The following CSGALNACT1 variants were observed in gnomAD, a reference collection of about 807,000 sequenced individuals.
The protein encoded by CSGALNACT1 is chondroitin sulfate N-acetylgalactosaminyltransferase 1.
A neutral mutation model predicts 51.0 loss-of-function variants in CSGALNACT1; 52 were observed. The observed-to-expected ratio is 1.02, with a 90% CI of 0.82 to 1.29. The LOEUF (loss-of-function observed/expected upper bound fraction) is 1.29, where lower values mean the gene tolerates loss of function less well. Ranked by LOEUF, CSGALNACT1 falls within the 50% of genes most tolerant of loss-of-function variation. The pLI, the probability that CSGALNACT1 is intolerant of heterozygous loss-of-function variation, is 0.00. For missense variants in CSGALNACT1, 935 were observed against 679.2 expected, an observed-to-expected ratio of 1.38 and a Z score of -4.19; for synonymous variants, 341 against 254.4, an observed-to-expected ratio of 1.34 and a Z score of -3.24.
At chr8:19,498,743 TAAC>T in intron 4 of CSGALNACT1, among the ~76,000 whole-genome samples, 1 of 152,184 alleles carries the variant, frequency 6.6e-6, no homozygotes, top group Admixed American at 6.5e-5. Context: ...TGACCTCCCA[TAAC>T]ATCACAAATT....
intron 5 of CSGALNACT1, among the ~76,000 whole-genome samples, chr8:19,456,099 GT>G (rs1563491021): frequency 6.6e-6 from 1 of 152,144 alleles, no homozygotes; most frequent in Non-Finnish European, 1.5e-5. Context: ...CATTTCACCC[GT>G]TTTGAGGCTT....
At chr8:19,652,689 G>A (rs891727110) in intron 1 of CSGALNACT1, among the ~76,000 whole-genome samples, 3 of 152,260 alleles carry the variant, frequency 2.0e-5, no homozygotes, top group African/African-American at 4.8e-5. Flanking sequence ...AGCAATCTGT[G>A]CTTTCCCCAC....
At chr8:19,521,771 G>A (rs921475251) in intron 3 of CSGALNACT1, among the ~76,000 whole-genome samples, 17 of 152,244 alleles carry the variant, frequency 1.1e-4, no homozygotes, top group African/African-American at 4.1e-4. Flanking sequence ...CTAGGAGAAA[G>A]ACAAGTTTGG....
chr8:19,617,488 T>C (rs562172415), intron 1 of CSGALNACT1, among the ~76,000 whole-genome samples: 23 of 152,366 alleles, frequency 1.5e-4, no homozygotes, highest in African/African-American at 5.3e-4. Flanking sequence ...CTTTTCTTTA[T>C]TCTATGCTCT....
exon 10 of CSGALNACT1, chr8:19,404,861 G>GT (rs1403516539): frequency 6.6e-6 from 3 of 454,312 alleles, no homozygotes; most frequent in African/African-American, 6.0e-5. Context: ...CCAGTGTTCA[G>GT]TTGCTCCTCT....
At chr8:19,514,482 T>TATATATATATATATATATAC (rs2079096994) in intron 3 of CSGALNACT1, among the ~76,000 whole-genome samples, 6 of 78,108 alleles carry the variant, frequency 7.7e-5, no homozygotes, top group African/African-American at 3.3e-4. Flanking sequence ...AGACTATATA[T>TATATATATATATATATATAC]ATATATATAT....
At chr8:19,549,862 G>A (rs1483075058) in intron 3 of CSGALNACT1, among the ~76,000 whole-genome samples, 3 of 152,010 alleles carry the variant, frequency 2.0e-5, no homozygotes, top group East Asian at 1.9e-4. Flanking sequence ...AAGTACAGCT[G>A]TATTTCTTCT....
chr8:19,416,998 G>A (rs1276095924), intron 8 of CSGALNACT1, among the ~76,000 whole-genome samples: 3 of 152,042 alleles, frequency 2.0e-5, no homozygotes, highest in African/African-American at 7.3e-5. Flanking sequence ...TGGGACTGTA[G>A]GTGTGTGCCA....
chr8:19,499,430 G>A (rs117931327), intron 4 of CSGALNACT1, among the ~76,000 whole-genome samples: 1 of 152,176 alleles, frequency 6.6e-6, no homozygotes, highest in African/African-American at 2.4e-5. Context: ...AATGTATGGT[G>A]AATGAGTGCA....
intron 4 of CSGALNACT1, among the ~76,000 whole-genome samples, chr8:19,496,588 A>T (rs550343979): frequency 6.6e-6 from 1 of 152,350 alleles, no homozygotes; most frequent in Admixed American, 6.5e-5. Context: ...CCTTACCACG[A>T]AAAAGAACCA....
intron 1 of CSGALNACT1, among the ~76,000 whole-genome samples, chr8:19,629,248 T>A (rs1410147700): frequency 2.6e-5 from 4 of 152,242 alleles, no homozygotes; most frequent in Non-Finnish European, 5.9e-5. Flanking sequence ...TCATCTGAGT[T>A]AGGACAAAAG....
intron 5 of CSGALNACT1, 56 bp downstream of exon 4, chr8:19,458,370 T>C (rs2064584628): frequency 1.5e-6 from 2 of 1,337,728 alleles, no homozygotes; most frequent in South Asian, 2.3e-5. Flanking sequence ...GGAAATGATA[T>C]CAGTGTTCTA....
intron 1 of CSGALNACT1, among the ~76,000 whole-genome samples, chr8:19,734,511 C>G (rs1471230605): frequency 6.6e-6 from 1 of 152,202 alleles, no homozygotes. Context: ...CTGGGCTGAG[C>G]TCTCTGAACC....
chr8:19,633,404 A>T (rs1238918396), intron 1 of CSGALNACT1, among the ~76,000 whole-genome samples: 2 of 152,200 alleles, frequency 1.3e-5, no homozygotes, highest in Non-Finnish European at 2.9e-5. Context: ...TACCCCAAAG[A>T]AGATATGTTA....
chr8:19,406,131 G>A, intron 9 of CSGALNACT1, 62 bp from the exon 9 acceptor site: 2 of 1,590,586 alleles, frequency 1.3e-6, no homozygotes, highest in Non-Finnish European at 1.7e-6. Context: ...TCCCTGAGTT[G>A]CAACAAGCAC....
At chr8:19,437,067 G>T (rs552371361) in intron 6 of CSGALNACT1, among the ~76,000 whole-genome samples, 1 of 152,198 alleles carries the variant, frequency 6.6e-6, no homozygotes, top group East Asian at 1.9e-4. Context: ...TATTGAGCAG[G>T]TTATAATCTA....
At chr8:19,547,983 G>A (rs774183694) in intron 3 of CSGALNACT1, among the ~76,000 whole-genome samples, 23 of 152,118 alleles carry the variant, frequency 1.5e-4, no homozygotes, top group South Asian at 6.2e-4. Context: ...CCATATTCCC[G>A]GCATTGTATT....
At chr8:19,420,044 T>C (rs1274213118) in intron 7 of CSGALNACT1, among the ~76,000 whole-genome samples, 1 of 152,212 alleles carries the variant, frequency 6.6e-6, no homozygotes, top group Non-Finnish European at 1.5e-5. Context: ...CCTGCTGCCA[T>C]GATAGACTTC....
At chr8:19,456,561 C>T (rs538873683) in intron 5 of CSGALNACT1, among the ~76,000 whole-genome samples, 10 of 152,288 alleles carry the variant, frequency 6.6e-5, no homozygotes, top group South Asian at 2.1e-4. Flanking sequence ...AATCAACCAG[C>T]GGCACTGTGC....
Sources: gnomAD v4.1 joint callset for allele counts (sites outside exome capture counted in the v4.1 genomes callset) on GRCh38, gnomAD v4.1.1 for gene constraint, MANE v1.5 for transcripts, NCBI Gene and HGNC (gene_info 2026-07-23, HGNC 2026-07-21) for gene names.